ZNF549: variants seen among roughly 807,000 people sequenced by gnomAD.
ZNF549 encodes zinc finger protein 549.
In ZNF549, 11 loss-of-function variants were observed where a neutral mutation model predicts 11.1. The observed-to-expected ratio is 0.99, with a 90% confidence interval of 0.62 to 1.64. ZNF549 has a LOEUF of 1.64. Ranked by LOEUF, ZNF549 falls within the 40% of genes most tolerant of loss-of-function variation. The probability of loss-of-function intolerance (pLI) is 0.00; values close to 1 mark genes in which losing one functional copy is unlikely to be tolerated. For synonymous variants in ZNF549, 266 were observed against 269.1 expected, an observed-to-expected ratio of 0.99 and a Z score of 0.11; for missense variants, 748 against 765.1, an observed-to-expected ratio of 0.98 and a Z score of 0.26.
At position 57,537,391 on chromosome 19, in the gene ZNF549, G is replaced by A. The variant is rs1378915222; in HGVS notation, c.387G>A (p.Gln129=). 6.2e-7 allele frequency: 1 copy of A among 1,614,202 alleles called. No homozygotes were observed. Among genetic ancestry groups the A allele is most frequent in the African/African-American group, 1.3e-5 (1 of 75,048 alleles). Residue 129 remains glutamine, a synonymous_variant, in exon 4 of 4, where the codon CAG becomes CAA. Coordinates refer to ENST00000376233, the MANE Select transcript of ZNF549 (RefSeq NM_001199295.2). Reference sequence around the variant, plus strand: ...AGCATCAGGGGACACTTCCCTGGCAGAAACCTTATACGTCTGTGGCCAGTG... The same window carrying A: ...AGCATCAGGGGACACTTCCCTGGCAAAAACCTTATACGTCTGTGGCCAGTG... ...LSEHQGTLPW[Q]KPYTSVASGK... is the part of the protein sequence containing the mutation.
intron 3 of ZNF549, 61 bp downstream of exon 3, chr19:57,535,331 A>C (rs1369956845): frequency 6.5e-7 from 1 of 1,544,232 alleles, no homozygotes; most frequent in Non-Finnish European, 8.8e-7. Flanking sequence ...CCCTTTTTCC[A>C]GGAGTTTCCT....
Position 57,537,306 on chromosome 19 carries a change from CAA to C in ZNF549, c.304_305del (p.Asn102CysfsTer5). The C allele has an allele frequency of 6.2e-7, 1 of 1,614,214 alleles. No homozygotes were observed. Among genetic ancestry groups the C allele is most frequent in the East Asian group, 2.2e-5 (1 of 44,878 alleles). ...ACTCCAAAGCTAGGTCCTTCCATCC[CAA>C]ATGCTCATTCTTGTGAGATGTGTAT... is the stretch of plus-strand genomic sequence containing the variant. On this transcript the variant is annotated frameshift_variant, in exon 4 of 4. Transcript: ENST00000376233. LOFTEE classifies it low-confidence loss of function (END_TRUNC).
intron 1 of ZNF549, among the ~76,000 whole-genome samples, chr19:57,528,037 G>A (rs543867062): frequency 2.0e-5 from 3 of 152,328 alleles, no homozygotes; most frequent in Admixed American, 2.0e-4. Flanking sequence ...GTTACGGAGT[G>A]ATGGGGGTGG....
In ZNF549 at chr19:57,527,431, G is replaced by A; in HGVS notation, c.-143G>A. 8.3e-7 allele frequency: 1 copy of A among 1,210,544 alleles called. No individual in the cohort carries two copies. The highest frequency in any genetic ancestry group is 2.0e-5 in the Admixed American group (1 of 49,232). 75.0% of individuals were successfully genotyped at this position (1,210,544 alleles called of 1,614,324 possible). A position where few individuals can be genotyped will look rare whatever the true frequency, so the allele number is the denominator to read the frequency against. Reference sequence around the variant, plus strand: ...GGGTCCGGGCCAGGTAACTGGAGCCGGAAACCGGTGGAGGTGGTGTCCGCC... The same window carrying A: ...GGGTCCGGGCCAGGTAACTGGAGCCAGAAACCGGTGGAGGTGGTGTCCGCC... On this transcript the variant is annotated 5_prime_UTR_variant, in exon 1 of 4. Transcript: ENST00000376233.
At chr19:57,531,743 T>C (rs2089905063) in intron 2 of ZNF549, among the ~76,000 whole-genome samples, 1 of 152,244 alleles carries the variant, frequency 6.6e-6, no homozygotes, top group African/African-American at 2.4e-5. Context: ...AGTGTATTCA[T>C]CATGGATCTA....
intron 1 of ZNF549, among the ~76,000 whole-genome samples, chr19:57,530,865 A>T (rs1034953140): frequency 1.3e-5 from 2 of 151,878 alleles, no homozygotes; most frequent in Non-Finnish European, 2.9e-5. Context: ...TACTAGCTAA[A>T]TCTTAGCATT....
chr19:57,538,897 C>A lies in ZNF549; in HGVS notation c.1893C>A (p.His631Gln). 6.2e-7 allele frequency: 1 copy of A among 1,605,910 alleles called. No homozygotes were observed. ...ACAAAAGATATTCCCTTGTCAGGCA[C>A]CAGAAGGTACATATAACAGAAGAGC... ...AFNKRYSLVR[H>Q]QKVHITEEP The change falls in exon 4 of 4, where the codon CAC (histidine) becomes CAA (glutamine). Residue 631 changes from histidine to glutamine, a missense_variant. By Grantham distance (24) the His-to-Gln change is conservative (BLOSUM62 0). Transcript: ENST00000376233.
At chr19:57,535,333 G>A in intron 3 of ZNF549, 63 bp downstream of exon 3, 1 of 1,541,988 alleles carries the variant, frequency 6.5e-7, no homozygotes, top group Non-Finnish European at 8.8e-7. Context: ...CTTTTTCCAG[G>A]AGTTTCCTGT....
rs183003369 is a variant in ZNF549, at chr19:57,536,571, G to T, written c.200-633G>T. 1.6e-3 allele frequency among the ~76,000 whole-genome samples: 246 copies of T among 152,250 alleles called. 4 individuals carry two copies. The highest frequency in any genetic ancestry group is 0.014 in the Admixed American group (211 of 15,300). On this transcript the variant is annotated intron_variant, in intron 3 of 3. Transcript: ENST00000376233. The stretch of plus-strand genomic sequence containing the variant: ...CCAGTTGTAATTGCATTTTCCTGGG[G>T]TGACACACATTCTATGCAGGTCTCC...
Position 57,538,965 on chromosome 19 carries a change from G to A in ZNF549, c.*38G>A, listed in dbSNP as rs1343223756. 2 of 1,549,548 alleles carry A rather than the reference G, an allele frequency of 1.3e-6. No homozygotes were observed. The highest frequency in any genetic ancestry group is 1.4e-5 in the African/African-American group (1 of 73,160). On this transcript the variant is annotated 3_prime_UTR_variant, in exon 4 of 4. Coordinates refer to ENST00000376233, the MANE Select transcript of ZNF549 (RefSeq NM_001199295.2). The stretch of plus-strand genomic sequence containing the variant: ...TGTGTAATTGTCTTATTCACTGTAG[G>A]ACACCAGAGAGCTGATTTTTCAAGG...
At position 57,537,843 on chromosome 19, in the gene ZNF549, G is replaced by A. The variant is rs1305860528; in HGVS notation, c.839G>A (p.Cys280Tyr). 2 of 1,613,750 alleles carry A rather than the reference G, an allele frequency of 1.2e-6. No homozygotes were observed. The highest frequency in any genetic ancestry group is 2.2e-5 in the East Asian group (1 of 44,836). ...NAEKPYVCNI[C>Y]GKSFLHKQTL... ...GAAAAGCCTTATGTGTGCAATATAT[G>A]TGGGAAATCATTCCTCCATAAACAA... The change falls in exon 4 of 4, where the codon TGT becomes TAT. Residue 280 changes from cysteine to tyrosine, a missense_variant. Transcript: ENST00000376233.
intron 1 of ZNF549, 108 bp from the exon 2 acceptor site, chr19:57,530,962 T>G: frequency 9.5e-7 from 1 of 1,050,738 alleles, no homozygotes; most frequent in Non-Finnish European, 1.4e-6. Flanking sequence ...GAAGGCAACC[T>G]CAGAGAGGTT....
rs1480156006 is a variant in ZNF549, at chr19:57,537,832, G to A, written c.828G>A (p.Val276=). ...CCCATAATGCAGAAAAGCCTTATGT[G>A]TGCAATATATGTGGGAAATCATTCC... ...QRTHNAEKPY[V]CNICGKSFLH... is the part of the protein sequence containing the mutation. The change falls in exon 4 of 4, where the codon GTG becomes GTA. Residue 276 remains valine, a synonymous_variant. Transcript: ENST00000376233. The A allele has an allele frequency of 1.2e-6, 2 of 1,614,094 alleles. No individual in the cohort carries two copies. Among genetic ancestry groups the A allele is most frequent in the African/African-American group, 1.3e-5 (1 of 74,930 alleles).
intron 2 of ZNF549, 36 bp downstream of exon 2, chr19:57,531,144 G>T: frequency 1.3e-6 from 2 of 1,595,728 alleles, no homozygotes; most frequent in Non-Finnish European, 1.7e-6. Context: ...CACTGGCCCT[G>T]TTCCCTAAAG....
chr19:57,537,669 A>G lies in ZNF549; in HGVS notation c.665A>G (p.Tyr222Cys), dbSNP rs766154085. Residue 222 changes from tyrosine to cysteine, a missense_variant, in exon 4 of 4, where the codon TAC becomes TGC. Tyr to Cys is a radical substitution (Grantham distance 194). Coordinates refer to ENST00000376233, the MANE Select transcript of ZNF549 (RefSeq NM_001199295.2). ...AGGGAGACCTTTCAACAAAGACGTT[A>G]CAAATGTGAGCAAGTTTTCAATGAG... ...RSRETFQQRR[Y>C]KCEQVFNEKV... The G allele has an allele frequency of 1.2e-6, 2 of 1,614,228 alleles. No homozygotes were observed. The highest frequency in any genetic ancestry group is 3.3e-5 in the Admixed American group (2 of 60,030).
Position 57,537,959 on chromosome 19 carries a change from C to A in ZNF549, c.955C>A (p.Leu319Ile), listed in dbSNP as rs771237978. The A allele has an allele frequency of 6.2e-7, 1 of 1,613,474 alleles. No homozygotes were observed. Among genetic ancestry groups the A allele is most frequent in the Non-Finnish European group, 8.5e-7 (1 of 1,179,832 alleles). The stretch of plus-strand genomic sequence containing the variant: ...GAAATCCTTGAGCTCCAAATACTCA[C>A]TTGTGGAACACCAGAGAACCCATAA... ...CGKSLSSKYSLVEHQRTHNGE... is the reference protein window; with the variant it reads ...CGKSLSSKYSIVEHQRTHNGE... Residue 319 changes from leucine (L) to isoleucine (I), a missense_variant, in exon 4 of 4, where the codon CTT (leucine) becomes ATT (isoleucine). By Grantham distance (5) the Leu-to-Ile change is conservative. Transcript: ENST00000376233.
chr19:57,535,045 T>C, intron 2 of ZNF549, 99 bp from the exon 3 acceptor site: 2 of 1,492,576 alleles, frequency 1.3e-6, no homozygotes, highest in East Asian at 4.6e-5. Context: ...CATAAGGACC[T>C]GGTATCTCCT....
chr19:57,539,059 C>A lies in ZNF549; in HGVS notation c.*132C>A. The stretch of plus-strand genomic sequence containing the variant: ...TAGTTGAAAGATTCACTACAAGGTC[C>A]AAGTACTTGGGAAGCTTTCTAGAGA... On this transcript the variant is annotated 3_prime_UTR_variant, in exon 4 of 4. Coordinates refer to ENST00000376233, the MANE Select transcript of ZNF549 (RefSeq NM_001199295.2). 1 of 1,072,376 alleles carries A rather than the reference C, an allele frequency of 9.3e-7. No homozygotes were observed. Among genetic ancestry groups the A allele is most frequent in the Non-Finnish European group, 1.3e-6 (1 of 756,870 alleles). 66.4% of individuals were successfully genotyped at this position (1,072,376 alleles called of 1,614,324 possible).
At chr19:57,529,901 A>AAAATAAATAAATAAAT (rs376810192) in intron 1 of ZNF549, among the ~76,000 whole-genome samples, 1 of 151,800 alleles carries the variant, frequency 6.6e-6, no homozygotes, top group African/African-American at 2.4e-5. Flanking sequence ...ATAAATAAAT[A>AAAATAAATAAATAAAT]AAATAAATAA....
Sources: allele counts gnomAD v4.1 joint callset (sites outside exome capture counted in the v4.1 genomes callset), GRCh38; gene constraint gnomAD v4.1.1; transcripts MANE v1.5; gene names NCBI Gene and HGNC (gene_info 2026-07-23, HGNC 2026-07-21).